The following BAAT variants were observed in gnomAD, a reference collection of about 807,000 sequenced individuals.
BAAT encodes the protein bile acid CoA: amino acid N-acyltransferase (glycine N-choloyltransferase).
Under a neutral mutation model 18.9 loss-of-function variants are expected in BAAT, and 13 were observed. The ratio of observed to expected loss-of-function variants is 0.69; its 90% CI spans 0.45 to 1.10. BAAT has a LOEUF of 1.10. BAAT is among the 50% of genes least tolerant of loss of function. The probability of loss-of-function intolerance (pLI) is 0.00; values close to 1 mark genes in which losing one functional copy is unlikely to be tolerated. For synonymous variants in BAAT, 170 were observed against 190.7 expected, an observed-to-expected ratio of 0.89 and a Z score of 0.89; for missense variants, 489 against 504.0, an observed-to-expected ratio of 0.97 and a Z score of 0.28.
Position 101,371,388 on chromosome 9 carries a change from G to A in BAAT, c.17C>T (p.Ala6Val), listed in dbSNP as rs771170573. 6.2e-7 allele frequency: 1 copy of A among 1,610,676 alleles called. No individual in the cohort carries two copies. Among genetic ancestry groups the A allele is most frequent in the Non-Finnish European group, 8.5e-7 (1 of 1,179,984 alleles). The change falls in exon 2 of 4, where the codon GCT (alanine) becomes GTT (valine). Residue 6 changes from alanine (A) to valine (V), a missense_variant. Transcript: ENST00000259407. ...ATCAACAAGTGCACTCACAGGGGTA[G>A]CTGTCAACTGGATCATTTTTTTAGT... Reference protein sequence around the residue: MIQLTATPVSALVDEP... With the variant: MIQLTVTPVSALVDEP...
At position 101,362,774 on chromosome 9, in the gene BAAT, A is replaced by C; in HGVS notation, c.911T>G (p.Val304Gly). Residue 304 changes from valine to glycine, a missense_variant, in exon 4 of 4, where the codon GTT becomes GGT. Transcript: ENST00000259407. ...ELYRTFETTQ[V>G]GASQYLFPIE... The stretch of plus-strand genomic sequence containing the variant: ...AGGAAACAAATATTGACTGGCCCCA[A>C]CTTGAGTTGTCTCAAAAGTGCGATA... 1 of 1,614,174 alleles carries C rather than the reference A, an allele frequency of 6.2e-7. No homozygotes were observed. The highest frequency in any genetic ancestry group is 1.1e-5 in the South Asian group (1 of 91,084).
chr9:101,380,908 A>G (rs1830122285), intron 1 of BAAT, among the ~76,000 whole-genome samples: 2 of 151,416 alleles, frequency 1.3e-5, no homozygotes, highest in African/African-American at 4.9e-5. Flanking sequence ...ACCCACCACC[A>G]TGCCTGGCCA....
At chr9:101,375,370 C>A in intron 1 of BAAT, 1 of 199,356 alleles carries the variant, frequency 5.0e-6, no homozygotes, top group East Asian at 1.2e-4. Context: ...GCAGCTTCCT[C>A]CTTTGTTGTT....
At position 101,368,153 on chromosome 9, in the gene BAAT, C is replaced by T. The variant is rs1829864908; in HGVS notation, c.636G>A (p.Glu212=). The T allele has an allele frequency of 6.2e-7, 1 of 1,613,968 alleles. No homozygotes were observed. The highest frequency in any genetic ancestry group is 1.1e-5 in the South Asian group (1 of 91,078). Residue 212 remains glutamate (E), a synonymous_variant, in exon 3 of 4, where the codon GAG becomes GAA. Transcript: ENST00000259407. ...GTCTCAGGAGAAAGTTGGCAGCCTC[C>T]TCAAAATATTCCAAATCTGTTACTT... ...KPEVTDLEYF[E]EAANFLLRHP... is the part of the protein sequence containing the mutation.
intron 1 of BAAT, among the ~76,000 whole-genome samples, chr9:101,379,468 A>C (rs1282287009): frequency 6.6e-6 from 1 of 152,216 alleles, no homozygotes; most frequent in Non-Finnish European, 1.5e-5. Flanking sequence ...AAAAAAGCCA[A>C]TTTTACAAGA....
chr9:101,372,009 A>G (rs1461573583), intron 1 of BAAT, among the ~76,000 whole-genome samples: 1 of 152,184 alleles, frequency 6.6e-6, no homozygotes, highest in Non-Finnish European at 1.5e-5. Flanking sequence ...TTGCAGCAAC[A>G]TGGATGCAGC....
intron 1 of BAAT, chr9:101,376,362 T>C: frequency 4.8e-6 from 1 of 208,968 alleles, no homozygotes; most frequent in East Asian, 1.3e-4. Context: ...CAGGCATTAC[T>C]CATCCTCTGT....
chr9:101,382,101 G>C lies in BAAT; in HGVS notation c.-60+2754C>G, dbSNP rs187497613. ...GTAGGTAGCTAGTCATGCATGAGTGGGGCAGGAGAGGGTTGCCCCCACCCA... is the reference window on the plus strand; with the variant it reads ...GTAGGTAGCTAGTCATGCATGAGTGCGGCAGGAGAGGGTTGCCCCCACCCA... On this transcript the variant is annotated intron_variant, in intron 1 of 3. Transcript: ENST00000259407. Among the ~76,000 whole-genome samples the C allele has an allele frequency of 1.2e-3, 177 of 152,182 alleles. 2 individuals carry two copies. Among genetic ancestry groups the C allele is most frequent in the Non-Finnish European group, 1.0e-3 (70 of 68,002 alleles).
rs1049047329 is a variant in BAAT, at chr9:101,362,957, G to A, written c.728C>T (p.Ser243Phe). The A allele has an allele frequency of 6.2e-7, 1 of 1,614,026 alleles. No individual in the cohort carries two copies. Among genetic ancestry groups the A allele is most frequent in the Non-Finnish European group, 8.5e-7 (1 of 1,180,004 alleles). Residue 243 changes from serine (S) to phenylalanine (F), a missense_variant, in exon 4 of 4, where the codon TCT becomes TTT. By Grantham distance (155) the Ser-to-Phe change is radical. Transcript: ENST00000259407. ...SVCQGVQIGL[S>F]MAIYLKQVTA... is the part of the protein sequence containing the mutation. ...GACTTGCTTTAGGTAAATAGCCATA[G>A]ATAGTCCAATCTGTACTCCTTGACA...
chr9:101,361,849 A>C lies in BAAT; in HGVS notation c.*579T>G, dbSNP rs902848281. On this transcript the variant is annotated 3_prime_UTR_variant, in exon 4 of 4. Transcript: ENST00000259407. Reference sequence around the variant, plus strand: ...AGTTATTATGTCTCAGTTATGTGCCAATGGGCATGTTTTTAAGAACTGAAG... The same window carrying C: ...AGTTATTATGTCTCAGTTATGTGCCCATGGGCATGTTTTTAAGAACTGAAG... 9 of 155,840 alleles carry C rather than the reference A, an allele frequency of 5.8e-5. No individual in the cohort carries two copies. The highest frequency in any genetic ancestry group is 1.7e-4 in the African/African-American group (7 of 41,472). 9.7% of individuals were successfully genotyped at this position (155,840 alleles called of 1,614,324 possible).
In BAAT at chr9:101,384,948, G is replaced by C. The variant is rs1830182760; in HGVS notation, c.-153C>G. Among the ~76,000 whole-genome samples, 4 of 152,076 alleles carry C rather than the reference G, an allele frequency of 2.6e-5. No homozygotes were observed. On this transcript the variant is annotated 5_prime_UTR_variant, in exon 1 of 4. Coordinates refer to ENST00000259407, the MANE Select transcript of BAAT (RefSeq NM_001701.4). ...GAAATAAAGAGAAAGAGTACAAAGA[G>C]AGGAATTTACAGCTGGGCCTCCGGG...
intron 3 of BAAT, among the ~76,000 whole-genome samples, chr9:101,367,108 C>CAAAAA (rs1310860267): frequency 1.9e-3 from 76 of 39,300 alleles, no homozygotes; most frequent in African/African-American, 7.7e-3. Context: ...GAGACTCTGT[C>CAAAAA]AAAAAAAGAA....
intron 2 of BAAT, among the ~76,000 whole-genome samples, chr9:101,369,279 C>T (rs1829884472): frequency 6.6e-6 from 1 of 151,462 alleles, no homozygotes; most frequent in Non-Finnish European, 1.5e-5. Context: ...TAATTAAGTA[C>T]AATGAATAAA....
chr9:101,371,142 A>G lies in BAAT; in HGVS notation c.263T>C (p.Leu88Ser). The G allele has an allele frequency of 6.2e-7, 1 of 1,614,176 alleles. No individual in the cohort carries two copies. The highest frequency in any genetic ancestry group is 8.5e-7 in the Non-Finnish European group (1 of 1,180,022). Residue 88 changes from leucine to serine, a missense_variant, in exon 2 of 4, where the codon TTA becomes TCA. Physicochemically the swap from Leu to Ser is moderately radical, Grantham distance 145. Transcript: ENST00000259407. ...LFWSLKPEKLLTRLLKRDVMN... is the reference protein window; with the variant it reads ...LFWSLKPEKLSTRLLKRDVMN... The stretch of plus-strand genomic sequence containing the variant: ...CACATCTCTTTTCAACAGTCTTGTT[A>G]ATAGCTTTTCAGGTTTCAGAGACCA...
intron 3 of BAAT, among the ~76,000 whole-genome samples, chr9:101,364,536 G>T (rs1829794069): frequency 6.6e-6 from 1 of 152,180 alleles, no homozygotes; most frequent in African/African-American, 2.4e-5. Flanking sequence ...CCACTTTTCT[G>T]AGAAATGTAG....
At chr9:101,363,914 T>A (rs1320894728) in intron 3 of BAAT, among the ~76,000 whole-genome samples, 9 of 152,050 alleles carry the variant, frequency 5.9e-5, no homozygotes, top group Non-Finnish European at 1.3e-4. Flanking sequence ...CAGGTTGAGG[T>A]GGAAGGATCA....
At chr9:101,384,341 A>G (rs554038271) in intron 1 of BAAT, among the ~76,000 whole-genome samples, 1 of 152,338 alleles carries the variant, frequency 6.6e-6, no homozygotes, top group East Asian at 1.9e-4. Flanking sequence ...AACAGACAAT[A>G]GGACACAATC....
chr9:101,383,519 C>T (rs1830162144), intron 1 of BAAT: 1 of 152,164 alleles, frequency 6.6e-6, no homozygotes, highest in South Asian at 2.1e-4. Flanking sequence ...GGGAAAATGA[C>T]AGACACCCTA....
Position 101,360,705 on chromosome 9 carries a change from A to G in BAAT, c.*1723T>C, listed in dbSNP as rs904572427. 3.3e-5 allele frequency: 5 copies of G among 152,836 alleles called. No homozygotes were observed. The highest frequency in any genetic ancestry group is 1.2e-4 in the African/African-American group (5 of 41,416). 9.5% of individuals were successfully genotyped at this position (152,836 alleles called of 1,614,324 possible). A position where few individuals can be genotyped will look rare whatever the true frequency, so the allele number is the denominator to read the frequency against. On this transcript the variant is annotated 3_prime_UTR_variant, in exon 4 of 4. Coordinates refer to ENST00000259407, the MANE Select transcript of BAAT (RefSeq NM_001701.4). ...CATGAGGGTCCACCCCCATGACCCA[A>G]ACAACTCCCACCAGGCCTCACCTCC... is the stretch of plus-strand genomic sequence containing the variant.
Sources: gnomAD v4.1 joint callset for allele counts (sites outside exome capture counted in the v4.1 genomes callset) on GRCh38, gnomAD v4.1.1 for gene constraint, MANE v1.5 for transcripts, NCBI Gene and HGNC (gene_info 2026-07-23, HGNC 2026-07-21) for gene names.